The following SIM1 variants were observed in gnomAD, a reference collection of about 807,000 sequenced individuals.
SIM1 encodes single-minded homolog 1.
A neutral mutation model predicts 78.2 loss-of-function variants in SIM1; 18 were observed. That is an observed-to-expected ratio of 0.23 (90% confidence interval 0.16 to 0.34). The LOEUF (loss-of-function observed/expected upper bound fraction) is 0.34, where lower values mean the gene tolerates loss of function less well. SIM1 is among the 10% of genes least tolerant of loss of function. The probability of loss-of-function intolerance (pLI) is 1.00; values close to 1 mark genes in which losing one functional copy is unlikely to be tolerated. For synonymous variants in SIM1, 417 were observed against 385.2 expected, an observed-to-expected ratio of 1.08 and a Z score of -0.97; for missense variants, 939 against 975.1, an observed-to-expected ratio of 0.96 and a Z score of 0.49.
chr6:100,462,526 C>T (rs770849207), intron 2 of SIM1: 23 of 152,168 alleles, frequency 1.5e-4, no homozygotes, highest in Non-Finnish European at 3.1e-4. Flanking sequence ...GTCAACAGCT[C>T]AGCTATTCTA....
intron 10 of SIM1, among the ~76,000 whole-genome samples, chr6:100,400,338 A>G (rs943800399): frequency 3.9e-5 from 6 of 152,084 alleles, no homozygotes; most frequent in African/African-American, 1.4e-4. Context: ...AATCATCAAA[A>G]TCAAGCAAAT....
Position 100,389,168 on chromosome 6 carries a change from A to C in SIM1, c.*1193T>G, listed in dbSNP as rs1770575752. 1 of 153,128 alleles carries C rather than the reference A, an allele frequency of 6.5e-6. No individual in the cohort carries two copies. The allele number at this position is 153,128 out of a possible 1,614,324, so 9.5% of individuals were successfully genotyped here. ...AGAGATCTAGTCAGCTGGCCTTTCT[A>C]CTATACCACACAGATGTAAGACCAA... is the stretch of plus-strand genomic sequence containing the variant. On this transcript the variant is annotated 3_prime_UTR_variant, in exon 12 of 12. Coordinates refer to ENST00000369208, the MANE Select transcript of SIM1 (RefSeq NM_005068.3).
At chr6:100,435,826 A>G (rs544073342) in intron 9 of SIM1, among the ~76,000 whole-genome samples, 2 of 152,248 alleles carry the variant, frequency 1.3e-5, no homozygotes, top group African/African-American at 4.8e-5. Context: ...GCAGCAGGAC[A>G]AAACATCATT....
intron 9 of SIM1, among the ~76,000 whole-genome samples, chr6:100,443,851 AT>A (rs1772281652): frequency 6.6e-6 from 1 of 152,166 alleles, no homozygotes; most frequent in Non-Finnish European, 1.5e-5. Flanking sequence ...TATAAAGCAT[AT>A]TTTTATAGGA....
At chr6:100,406,673 C>T (rs957402557) in intron 10 of SIM1, among the ~76,000 whole-genome samples, 3 of 152,040 alleles carry the variant, frequency 2.0e-5, no homozygotes, top group African/African-American at 7.2e-5. Flanking sequence ...TACATCAGAA[C>T]CTTTGCCTCA....
At chr6:100,396,477 T>C (rs1237741722) in intron 10 of SIM1, among the ~76,000 whole-genome samples, 4 of 152,064 alleles carry the variant, frequency 2.6e-5, no homozygotes, top group Non-Finnish European at 5.9e-5. Flanking sequence ...ACAGGAGGTA[T>C]ACATTTCAAG....
Sources: allele counts gnomAD v4.1 joint callset (sites outside exome capture counted in the v4.1 genomes callset), GRCh38; gene constraint gnomAD v4.1.1; transcripts MANE v1.5; gene names NCBI Gene and HGNC (gene_info 2026-07-23, HGNC 2026-07-21).